Variants in CNTNAP2 observed in about 807,000 individuals in gnomAD.
The protein encoded by CNTNAP2 is contactin associated protein 2.
CNTNAP2 carries 98 observed loss-of-function variants against 155.2 expected under a neutral mutation model. The ratio of observed to expected loss-of-function variants is 0.63; its 90% CI spans 0.54 to 0.75. The LOEUF is 0.75. Among genes scored for constraint, CNTNAP2 ranks in the 30% least tolerant of loss-of-function variants. The probability of loss-of-function intolerance (pLI) is 0.00; values close to 1 mark genes in which losing one functional copy is unlikely to be tolerated. For missense variants in CNTNAP2, 1,727 were observed against 1,688.1 expected, an observed-to-expected ratio of 1.02 and a Z score of -0.40; for synonymous variants, 651 against 631.2, an observed-to-expected ratio of 1.03 and a Z score of -0.47.
intron 2 of CNTNAP2, among the ~76,000 whole-genome samples, chr7:146,775,880 G>T (rs1196038807): frequency 6.6e-6 from 1 of 151,842 alleles, no homozygotes; most frequent in African/African-American, 2.4e-5. Context: ...CAAAGGTAGA[G>T]GAACATAACA....
At chr7:147,347,636 T>A (rs1795900913) in intron 9 of CNTNAP2, among the ~76,000 whole-genome samples, 1 of 151,630 alleles carries the variant, frequency 6.6e-6, no homozygotes, top group Non-Finnish European at 1.5e-5. Flanking sequence ...CAATGCAATC[T>A]CTATCAAAAT....
chr7:148,192,865 G>A (rs1316388462), intron 18 of CNTNAP2, among the ~76,000 whole-genome samples: 1 of 152,102 alleles, frequency 6.6e-6, no homozygotes, highest in African/African-American at 2.4e-5. Context: ...TATAAAAGTA[G>A]CAGAAATGAT....
intron 3 of CNTNAP2, among the ~76,000 whole-genome samples, chr7:146,943,829 T>C (rs1256236895): frequency 1.3e-5 from 2 of 152,170 alleles, no homozygotes; most frequent in Non-Finnish European, 2.9e-5. Context: ...ACTACTGCAA[T>C]ACTCAATTAC....
At chr7:148,264,480 C>T (rs1163741182) in intron 20 of CNTNAP2, among the ~76,000 whole-genome samples, 1 of 151,984 alleles carries the variant, frequency 6.6e-6, no homozygotes, top group East Asian at 1.9e-4. Context: ...CATAATATAT[C>T]ATCAAGTTAA....
rs144915649 is a variant in CNTNAP2 at position 147,870,066 on chromosome 7, C to T, written c.2099-33499C>T. ...GACTAAGGCAAAGTCATATTAGATG[C>T]CCAAGGTAACACAGCTAGTAAATGG... On this transcript the variant is annotated intron_variant, in intron 13 of 23. Transcript: ENST00000361727. Among the ~76,000 whole-genome samples the T allele has an allele frequency of 3.3e-5, 5 of 152,188 alleles. No homozygotes were observed. The East Asian group carries it at 7.8e-4, about 24-fold the overall frequency.
intron 18 of CNTNAP2, among the ~76,000 whole-genome samples, chr7:148,186,559 G>A (rs964267692): frequency 5.3e-5 from 8 of 152,176 alleles, no homozygotes; most frequent in African/African-American, 1.9e-4. Context: ...GAGCATTTCA[G>A]ACAACTGGAA....
intron 13 of CNTNAP2, among the ~76,000 whole-genome samples, chr7:147,736,714 T>C (rs570718678): frequency 1.3e-5 from 2 of 152,304 alleles, no homozygotes; most frequent in East Asian, 1.9e-4. Context: ...GGAGGCTTTG[T>C]TCGTTTCTTT....
At chr7:146,945,547 G>A (rs1797149386) in intron 3 of CNTNAP2, among the ~76,000 whole-genome samples, 1 of 152,104 alleles carries the variant, frequency 6.6e-6, no homozygotes, top group African/African-American at 2.4e-5. Context: ...TTGAGAGATT[G>A]GGAAGGATCT....
intron 14 of CNTNAP2, among the ~76,000 whole-genome samples, chr7:147,955,934 T>C (rs533119010): frequency 6.6e-6 from 1 of 152,294 alleles, no homozygotes; most frequent in South Asian, 2.1e-4. Context: ...AAACCACAGT[T>C]TAACAGAGGT....
chr7:147,166,600 T>C (rs1392116731), intron 8 of CNTNAP2, among the ~76,000 whole-genome samples: 1 of 152,148 alleles, frequency 6.6e-6, no homozygotes, highest in African/African-American at 2.4e-5. Context: ...AGGCTTTGTG[T>C]GAGCAATAAA....
At chr7:147,502,907 A>G (rs1798844740) in intron 11 of CNTNAP2, among the ~76,000 whole-genome samples, 1 of 152,072 alleles carries the variant, frequency 6.6e-6, no homozygotes. Context: ...TGAGGCAAGG[A>G]CTCTATTATA....
intron 1 of CNTNAP2, among the ~76,000 whole-genome samples, chr7:146,718,798 C>A (rs367886632): frequency 5.3e-5 from 8 of 151,272 alleles, no homozygotes; most frequent in African/African-American, 2.0e-4. Flanking sequence ...GTATCTTTCT[C>A]CAAGAAGTTT....
intron 1 of CNTNAP2, among the ~76,000 whole-genome samples, chr7:146,679,347 CT>C (rs34541415): frequency 9.0e-4 from 96 of 106,966 alleles, no homozygotes; most frequent in Middle Eastern, 0.014. Context: ...GATCTTGTTT[CT>C]TTTTTTTTTT....
At chr7:146,820,653 G>T (rs1403205960) in intron 2 of CNTNAP2, among the ~76,000 whole-genome samples, 4 of 152,128 alleles carry the variant, frequency 2.6e-5, no homozygotes, top group Non-Finnish European at 5.9e-5. Context: ...TTGATTTGGG[G>T]TGGAGAGTTC....
intron 1 of CNTNAP2, among the ~76,000 whole-genome samples, chr7:146,292,226 A>G (rs568229173): frequency 4.6e-5 from 7 of 152,256 alleles, no homozygotes; most frequent in Admixed American, 3.9e-4. Context: ...CCCTTTGTGC[A>G]TGTGTTCTCA....
intron 10 of CNTNAP2, among the ~76,000 whole-genome samples, chr7:147,459,369 C>G (rs1797977390): frequency 6.6e-6 from 1 of 152,150 alleles, no homozygotes; most frequent in Non-Finnish European, 1.5e-5. Context: ...GAAAAGTAGC[C>G]CTTTACCTAT....
intron 10 of CNTNAP2, among the ~76,000 whole-genome samples, chr7:147,449,359 T>C (rs1345298732): frequency 6.6e-6 from 1 of 152,128 alleles, no homozygotes; most frequent in Admixed American, 6.6e-5. Context: ...TCTCATCTAG[T>C]GTGGGGCCTC....
intron 1 of CNTNAP2, among the ~76,000 whole-genome samples, chr7:146,437,431 A>G (rs549387983): frequency 2.0e-5 from 3 of 151,620 alleles, no homozygotes; most frequent in Admixed American, 6.6e-5. Context: ...AATCAAAACT[A>G]TATTTCATAT....
chr7:146,847,072 T>G (rs1235958169), intron 3 of CNTNAP2, among the ~76,000 whole-genome samples: 1 of 152,132 alleles, frequency 6.6e-6, no homozygotes, highest in Admixed American at 6.5e-5. Flanking sequence ...TTTTTTATCG[T>G]GTCAAGGTTG....
Sources: allele counts gnomAD v4.1 joint callset (sites outside exome capture counted in the v4.1 genomes callset), GRCh38; gene constraint gnomAD v4.1.1; transcripts MANE v1.5; gene names NCBI Gene and HGNC (gene_info 2026-07-23, HGNC 2026-07-21).